The following NEGR1 variants were observed in gnomAD, a reference collection of about 807,000 sequenced individuals.
The protein encoded by NEGR1 is IgLON family member 4.
In NEGR1, 10 loss-of-function variants were observed where a neutral mutation model predicts 40.9. That is an observed-to-expected ratio of 0.24 (90% CI 0.15 to 0.42). The LOEUF is 0.42. Among genes scored for constraint, NEGR1 ranks in the 10% least tolerant of loss-of-function variants. The pLI, the probability that NEGR1 is intolerant of heterozygous loss-of-function variation, is 1.00. For synonymous variants in NEGR1, 185 were observed against 166.8 expected, an observed-to-expected ratio of 1.11 and a Z score of -0.84; for missense variants, 352 against 438.9, an observed-to-expected ratio of 0.80 and a Z score of 1.77.
chr1:72,094,649 T>C (rs1648629692), intron 1 of NEGR1, among the ~76,000 whole-genome samples: 1 of 152,176 alleles, frequency 6.6e-6, no homozygotes, highest in African/African-American at 2.4e-5. Flanking sequence ...GTCCTATGTT[T>C]TGCCTTTATC....
intron 6 of NEGR1, among the ~76,000 whole-genome samples, chr1:71,435,294 T>C (rs1177530845): frequency 6.6e-6 from 1 of 152,110 alleles, no homozygotes; most frequent in Non-Finnish European, 1.5e-5. Context: ...AGTTATTACG[T>C]GACAATTGGC....
intron 1 of NEGR1, among the ~76,000 whole-genome samples, chr1:72,278,637 T>G (rs1225605316): frequency 6.6e-6 from 1 of 152,044 alleles, no homozygotes; most frequent in East Asian, 1.9e-4. Flanking sequence ...AAACACTGGG[T>G]ACTGAAGCAT....
chr1:71,977,190 G>A (rs963223725), intron 1 of NEGR1, among the ~76,000 whole-genome samples: 1 of 152,124 alleles, frequency 6.6e-6, no homozygotes, highest in Non-Finnish European at 1.5e-5. Flanking sequence ...GCTGGGCATG[G>A]TGGCGTGAAC....
intron 3 of NEGR1, among the ~76,000 whole-genome samples, chr1:71,728,993 A>G (rs1654766058): frequency 6.6e-6 from 1 of 151,164 alleles, no homozygotes; most frequent in Non-Finnish European, 1.5e-5. Context: ...ATGATAGAGA[A>G]GAAATGGAAA....
chr1:71,876,919 T>C (rs1376253767), intron 2 of NEGR1, among the ~76,000 whole-genome samples: 1 of 151,996 alleles, frequency 6.6e-6, no homozygotes, highest in Non-Finnish European at 1.5e-5. Flanking sequence ...GCTACCTGAA[T>C]TTTGGAGACT....
At chr1:71,503,945 G>C (rs1263997308) in intron 6 of NEGR1, among the ~76,000 whole-genome samples, 4 of 151,040 alleles carry the variant, frequency 2.6e-5, no homozygotes, top group African/African-American at 9.8e-5. Context: ...GGATAATAGT[G>C]ATCCCAGGGA....
At position 71,972,052 on chromosome 1, in the gene NEGR1, A is replaced by T. The variant is rs1176147559; in HGVS notation, c.177-36741T>A. On this transcript the variant is annotated intron_variant, in intron 1 of 6. Coordinates refer to ENST00000357731, the MANE Select transcript of NEGR1 (RefSeq NM_173808.3). Reference sequence around the variant, plus strand: ...AATTTATCATGGAGTGTTGCATACCATTATCTCAGAAACATGCAGTGTAGT... The same window carrying T: ...AATTTATCATGGAGTGTTGCATACCTTTATCTCAGAAACATGCAGTGTAGT... Among the ~76,000 whole-genome samples, 6 of 152,340 alleles carry T rather than the reference A, an allele frequency of 3.9e-5. No homozygotes were observed. The South Asian group carries it at 8.3e-4, about 21-fold the overall frequency.
At chr1:71,566,535 A>G (rs1256146052) in intron 6 of NEGR1, among the ~76,000 whole-genome samples, 1 of 152,152 alleles carries the variant, frequency 6.6e-6, no homozygotes, top group Non-Finnish European at 1.5e-5. Context: ...TTCAGTCTCT[A>G]GATTAGGTAA....
chr1:71,957,349 GA>G (rs1246990766), intron 1 of NEGR1, among the ~76,000 whole-genome samples: 8 of 152,122 alleles, frequency 5.3e-5, no homozygotes, highest in Admixed American at 4.6e-4. Context: ...CAGGTAAAGT[GA>G]AACTCTAAAA....
In NEGR1 at chr1:71,608,400, GA is replaced by G. The variant is rs377523398; in HGVS notation, c.788+2625del. Among the ~76,000 whole-genome samples the G allele has an allele frequency of 1.2e-3, 178 of 146,792 alleles. 1 individual carries two copies. Among genetic ancestry groups the G allele is most frequent in the Middle Eastern group, 3.6e-3 (1 of 280 alleles). On this transcript the variant is annotated intron_variant, in intron 5 of 6. Coordinates refer to ENST00000357731, the MANE Select transcript of NEGR1 (RefSeq NM_173808.3). ...AAGCTGTAGTCCATCTCTACAGTAG[GA>G]AAAAAAAAATCACTGAAGCTATGAT...
At chr1:71,499,899 A>C (rs1318877745) in intron 6 of NEGR1, among the ~76,000 whole-genome samples, 1 of 152,176 alleles carries the variant, frequency 6.6e-6, no homozygotes, top group African/African-American at 2.4e-5. Context: ...ATAACTGTTT[A>C]ACCTGCATCT....
intron 1 of NEGR1, among the ~76,000 whole-genome samples, chr1:72,238,693 T>C (rs1336794064): frequency 6.6e-6 from 1 of 151,894 alleles, no homozygotes; most frequent in Non-Finnish European, 1.5e-5. Flanking sequence ...TGCAATTCTA[T>C]TATATAACCC....
chr1:72,109,419 CTT>C lies in NEGR1; in HGVS notation c.176+172898_176+172899del, dbSNP rs1649265790. 5.3e-5 allele frequency among the ~76,000 whole-genome samples: 8 copies of C among 151,614 alleles called. No homozygotes were observed. The East Asian group carries it at 1.6e-3, about 29-fold the overall frequency. ...AAGTACAACGGACTCATACCTTAAA[CTT>C]TTTCTTTCAAAACCTACTGAGATGA... On this transcript the variant is annotated intron_variant, in intron 1 of 6. Coordinates refer to ENST00000357731, the MANE Select transcript of NEGR1 (RefSeq NM_173808.3).
intron 4 of NEGR1, among the ~76,000 whole-genome samples, chr1:71,661,515 T>C (rs540716541): frequency 2.0e-5 from 3 of 152,260 alleles, no homozygotes; most frequent in South Asian, 4.1e-4. Flanking sequence ...CAAGTGAAAA[T>C]GTAATAGAAA....
chr1:71,955,348 A>C (rs1270088774), intron 1 of NEGR1, among the ~76,000 whole-genome samples: 2 of 152,146 alleles, frequency 1.3e-5, no homozygotes, highest in African/African-American at 4.8e-5. Context: ...GAATTCTATT[A>C]AGTGGTAGTG....
At chr1:72,142,315 T>C (rs1483642723) in intron 1 of NEGR1, among the ~76,000 whole-genome samples, 4 of 151,986 alleles carry the variant, frequency 2.6e-5, no homozygotes, top group Non-Finnish European at 5.9e-5. Flanking sequence ...TAAAGATACA[T>C]GGACATAAAA....
At chr1:71,951,917 A>C (rs1343216487) in intron 1 of NEGR1, among the ~76,000 whole-genome samples, 1 of 151,886 alleles carries the variant, frequency 6.6e-6, no homozygotes, top group Admixed American at 6.6e-5. Flanking sequence ...TTACCATTAT[A>C]ATTTTTAGGG....
chr1:71,486,866 T>C lies in NEGR1; in HGVS notation c.941-79296A>G, dbSNP rs191721797. The C allele has an allele frequency of 2.0e-5, 3 of 151,734 alleles. No individual in the cohort carries two copies. The East Asian group carries it at 5.8e-4, about 30-fold the overall frequency. The allele number at this position is 151,734 out of a possible 1,614,324, so 9.4% of individuals were successfully genotyped here. ...ACAAGGCTATTTTTCTTATTATTTT[T>C]AAAATTCATACAGTCTCTAAAATCT... On this transcript the variant is annotated intron_variant, in intron 6 of 6. Coordinates refer to ENST00000357731, the MANE Select transcript of NEGR1 (RefSeq NM_173808.3).
chr1:71,632,428 T>C (rs939443324), intron 4 of NEGR1, among the ~76,000 whole-genome samples: 3 of 151,282 alleles, frequency 2.0e-5, no homozygotes, highest in Non-Finnish European at 4.4e-5. Context: ...ATTACTCTTA[T>C]GACAACATCT....
Sources: allele counts gnomAD v4.1 joint callset (sites outside exome capture counted in the v4.1 genomes callset), GRCh38; gene constraint gnomAD v4.1.1; transcripts MANE v1.5; gene names NCBI Gene and HGNC (gene_info 2026-07-23, HGNC 2026-07-21).